Variants in PRTG observed in about 807,000 individuals in gnomAD.
The protein encoded by PRTG is immunoglobulin superfamily, DCC subclass, member 5.
A neutral mutation model predicts 122.5 loss-of-function variants in PRTG; 67 were observed. The ratio of observed to expected loss-of-function variants is 0.55; its 90% confidence interval spans 0.45 to 0.67. The LOEUF is 0.67. Ranked by LOEUF, PRTG falls within the 30% of genes least tolerant of loss-of-function variation. The pLI is 0.00. For missense variants in PRTG, 1,435 were observed against 1,415.4 expected, an observed-to-expected ratio of 1.01 and a Z score of -0.22; for synonymous variants, 554 against 501.1, an observed-to-expected ratio of 1.11 and a Z score of -1.41.
rs1358201025 is a variant in PRTG at position 55,620,242 on chromosome 15, C to A, written c.3223G>T (p.Val1075Phe). The A allele has an allele frequency of 6.2e-7, 1 of 1,614,050 alleles. No individual in the cohort carries two copies. The highest frequency in any genetic ancestry group is 8.5e-7 in the Non-Finnish European group (1 of 1,180,000). The change falls in exon 20 of 20, where the codon GTC becomes TTC. Residue 1075 changes from valine (V) to phenylalanine (F), a missense_variant. Physicochemically the swap from Val to Phe is conservative, Grantham distance 50 (BLOSUM62 -1). Coordinates refer to ENST00000389286, the MANE Select transcript of PRTG (RefSeq NM_173814.6). ...EQPQRRFTPA[V>F]CFYQPGTTVL... Reference sequence around the variant, plus strand: ...GTGGTGCCTGGCTGGTAAAAGCAGACCGCTGGAGTAAATCTTCTTTGAGGC... The same window carrying A: ...GTGGTGCCTGGCTGGTAAAAGCAGAACGCTGGAGTAAATCTTCTTTGAGGC...
chr15:55,653,688 T>A (rs2059365635), intron 11 of PRTG, among the ~76,000 whole-genome samples: 1 of 152,196 alleles, frequency 6.6e-6, no homozygotes. Context: ...GGTCTCGAAC[T>A]CCTGACCTCA....
chr15:55,686,506 T>A (rs2059571396), intron 2 of PRTG, among the ~76,000 whole-genome samples: 1 of 152,190 alleles, frequency 6.6e-6, no homozygotes, highest in Non-Finnish European at 1.5e-5. Context: ...CAAGATGTTT[T>A]ATCTCATTTA....
intron 17 of PRTG, among the ~76,000 whole-genome samples, chr15:55,626,269 C>T (rs1038141863): frequency 2.3e-4 from 35 of 151,998 alleles, no homozygotes; most frequent in African/African-American, 8.0e-4. Context: ...ATTAGCCAGG[C>T]GTGGTGGCAG....
intron 18 of PRTG, among the ~76,000 whole-genome samples, chr15:55,621,630 G>A (rs946680651): frequency 6.6e-6 from 1 of 152,104 alleles, no homozygotes; most frequent in Admixed American, 6.5e-5. Flanking sequence ...AACATAGCAA[G>A]ACTCTGTCTC....
intron 2 of PRTG, among the ~76,000 whole-genome samples, chr15:55,704,456 G>A (rs2141844733): frequency 6.6e-6 from 1 of 152,176 alleles, no homozygotes; most frequent in Admixed American, 6.5e-5. Context: ...GTTATTTCAA[G>A]GACATTTAAA....
intron 2 of PRTG, among the ~76,000 whole-genome samples, chr15:55,703,986 A>T (rs1177138322): frequency 6.6e-6 from 1 of 151,090 alleles, no homozygotes; most frequent in Non-Finnish European, 1.5e-5. Context: ...CTGCTGGCAA[A>T]AACAAGCAGG....
chr15:55,641,900 C>A (rs976859337), intron 11 of PRTG, among the ~76,000 whole-genome samples: 2 of 152,000 alleles, frequency 1.3e-5, no homozygotes, highest in South Asian at 2.1e-4. Flanking sequence ...ATAGGCCGGG[C>A]GCGGTGGCTC....
intron 13 of PRTG, among the ~76,000 whole-genome samples, chr15:55,638,976 TCA>T (rs2141733371): frequency 6.6e-6 from 1 of 152,100 alleles, no homozygotes; most frequent in East Asian, 1.9e-4. Flanking sequence ...ATTCATTCAT[TCA>T]TTCATTCATT....
chr15:55,631,753 G>T (rs1471551250), intron 15 of PRTG, among the ~76,000 whole-genome samples: 2 of 152,080 alleles, frequency 1.3e-5, no homozygotes, highest in African/African-American at 4.8e-5. Flanking sequence ...TCTAACTTGG[G>T]GCACGTTACT....
intron 15 of PRTG, among the ~76,000 whole-genome samples, chr15:55,631,189 T>G (rs2059225576): frequency 6.6e-6 from 1 of 151,958 alleles, no homozygotes. Flanking sequence ...CTATTTAGAA[T>G]CAGGAAGAGT....
chr15:55,671,685 G>C (rs2059472751), intron 11 of PRTG, among the ~76,000 whole-genome samples: 4 of 152,018 alleles, frequency 2.6e-5, no homozygotes, highest in African/African-American at 7.2e-5. Flanking sequence ...TTTTTTAGTA[G>C]AGACAGGGTT....
intron 2 of PRTG, among the ~76,000 whole-genome samples, chr15:55,727,561 T>C (rs2031077002): frequency 6.6e-6 from 1 of 152,112 alleles, no homozygotes; most frequent in Non-Finnish European, 1.5e-5. Context: ...TTTGGGAGGC[T>C]GAGGTGGGAG....
intron 11 of PRTG, among the ~76,000 whole-genome samples, chr15:55,666,657 T>C (rs2059440916): frequency 1.3e-5 from 2 of 152,208 alleles, no homozygotes; most frequent in Non-Finnish European, 2.9e-5. Flanking sequence ...GGTAAATTAC[T>C]TGAAAAAATA....
intron 2 of PRTG, among the ~76,000 whole-genome samples, chr15:55,714,201 A>ATCTCTCTCTCTC (rs1357049500): frequency 5.3e-5 from 4 of 75,862 alleles, no homozygotes; most frequent in African/African-American, 1.4e-4. Context: ...CTATCTATTT[A>ATCTCTCTCTCTC]TCTGTCTCTC....
intron 15 of PRTG, among the ~76,000 whole-genome samples, chr15:55,629,373 ATATG>A (rs1394055223): frequency 0.046 from 2,463 of 53,676 alleles, 32 homozygotes; most frequent in South Asian, 0.066. Flanking sequence ...ATATATATAT[ATATG>A]TGTGTGTGTG....
intron 12 of PRTG, among the ~76,000 whole-genome samples, chr15:55,640,263 T>C (rs181724879): frequency 1.3e-5 from 2 of 152,330 alleles, no homozygotes; most frequent in African/African-American, 4.8e-5. Context: ...TATCCAAACA[T>C]ATCCAAACAG....
chr15:55,732,965 A>G (rs1225419079), intron 2 of PRTG, among the ~76,000 whole-genome samples: 1 of 152,118 alleles, frequency 6.6e-6, no homozygotes, highest in Non-Finnish European at 1.5e-5. Context: ...TAATCTCAGC[A>G]CTTTGGGAGG....
intron 2 of PRTG, among the ~76,000 whole-genome samples, chr15:55,690,921 G>C (rs1304988672): frequency 4.6e-5 from 7 of 152,214 alleles, no homozygotes; most frequent in African/African-American, 1.7e-4. Context: ...CAGCTAGTAA[G>C]TGGTGATACT....
At chr15:55,687,566 A>AT (rs886616258) in intron 2 of PRTG, among the ~76,000 whole-genome samples, 3 of 152,062 alleles carry the variant, frequency 2.0e-5, no homozygotes, top group African/African-American at 7.2e-5. Context: ...AATCCCTAAG[A>AT]TTTTTTTATT....
Sources: allele counts gnomAD v4.1 joint callset (sites outside exome capture counted in the v4.1 genomes callset), GRCh38; gene constraint gnomAD v4.1.1; transcripts MANE v1.5; gene names NCBI Gene and HGNC (gene_info 2026-07-23, HGNC 2026-07-21).